CPSF4L: variants seen among roughly 807,000 people sequenced by gnomAD.
CPSF4L encodes the protein putative cleavage and polyadenylation specificity factor subunit 4-like protein.
Under a neutral mutation model 24.0 loss-of-function variants are expected in CPSF4L, and 18 were observed. The observed-to-expected ratio is 0.75, with a 90% CI of 0.52 to 1.11. The LOEUF (loss-of-function observed/expected upper bound fraction) is 1.11. Ranked by LOEUF, CPSF4L falls within the 50% of genes least tolerant of loss-of-function variation. CPSF4L has a pLI of 0.00. For missense variants in CPSF4L, 211 were observed against 221.8 expected, an observed-to-expected ratio of 0.95 and a Z score of 0.31; for synonymous variants, 72 against 77.2, an observed-to-expected ratio of 0.93 and a Z score of 0.35.
chr17:73,246,596 TTCTC>T (rs2061953804), downstream of CPSF4L, among the ~76,000 whole-genome samples: 1 of 152,162 alleles, frequency 6.6e-6, no homozygotes, highest in Non-Finnish European at 1.5e-5. Flanking sequence ...TGTATGTCGT[TTCTC>T]TCTCTTCTCA....
chr17:73,260,835 G>C (rs531561558), intron 2 of CPSF4L, 98 bp downstream of exon 2: 34 of 885,340 alleles, frequency 3.8e-5, no homozygotes, highest in Non-Finnish European at 5.3e-5. Flanking sequence ...GTGCAAATTC[G>C]ACACCCTATC....
chr17:73,252,505 T>A (rs2062009564), intron 5 of CPSF4L, 125 bp downstream of exon 5: 1 of 685,716 alleles, frequency 1.5e-6, no homozygotes, highest in Non-Finnish European at 2.6e-6. Context: ...AGGAAAATAC[T>A]GGAGCGGATG....
chr17:73,262,123 T>C (rs905532058), upstream of CPSF4L: 4 of 325,866 alleles, frequency 1.2e-5, no homozygotes, highest in Non-Finnish European at 1.1e-5. Flanking sequence ...TATCTTTGCA[T>C]GTTACCGAAC....
At chr17:73,245,635 A>G (rs2061939966), downstream of CPSF4L, 8 of 985,296 alleles carry the variant, frequency 8.1e-6, no homozygotes, top group Non-Finnish European at 9.6e-6. Flanking sequence ...AGCCCACATC[A>G]GGCCCTTCCC....
chr17:73,259,185 A>G (rs1237145239), intron 2 of CPSF4L, among the ~76,000 whole-genome samples: 1 of 152,142 alleles, frequency 6.6e-6, no homozygotes, highest in East Asian at 1.9e-4. Context: ...GACTACAGGC[A>G]TGCACCACCA....
chr17:73,254,801 G>A (rs1176432344), intron 3 of CPSF4L, among the ~76,000 whole-genome samples: 3 of 152,136 alleles, frequency 2.0e-5, no homozygotes, highest in African/African-American at 4.8e-5. Context: ...GTGCCACCAC[G>A]CATGGCTAAT....
chr17:73,250,021 G>A (rs1260144652), intron 5 of CPSF4L: 3 of 439,580 alleles, frequency 6.8e-6, no homozygotes, highest in South Asian at 4.5e-5. Context: ...TTTTGCTCCC[G>A]TTTTATGGAT....
intron 3 of CPSF4L, among the ~76,000 whole-genome samples, chr17:73,255,329 A>C (rs2062020726): frequency 6.6e-6 from 1 of 151,964 alleles, no homozygotes. Context: ...CAACATGGTG[A>C]AACCCCATCT....
chr17:73,262,630 C>T (rs1014567250), upstream of CPSF4L, among the ~76,000 whole-genome samples: 1 of 152,218 alleles, frequency 6.6e-6, no homozygotes, highest in African/African-American at 2.4e-5. Flanking sequence ...CCACCCCTGC[C>T]TGCAGGGCTG....
Position 73,257,816 on chromosome 17 carries a change from G to A in CPSF4L, c.172C>T (p.Arg58Ter), listed in dbSNP as rs201285689. The A allele has an allele frequency of 1.2e-4, 189 of 1,551,444 alleles. No homozygotes were observed. The highest frequency in any genetic ancestry group is 1.1e-3 in the East Asian group (47 of 40,892). ...LCEKGKLCPF[R>*]HDRGEKMVVC... ...ACCATCTTCTCCCCTCGGTCATGTCGGAAGGGGCAGAGTTTCCCTGGAGAT... is the reference window on the plus strand; with the variant it reads ...ACCATCTTCTCCCCTCGGTCATGTCAGAAGGGGCAGAGTTTCCCTGGAGAT... The change falls in exon 3 of 6, where the codon CGA becomes TGA. Residue 58 changes from arginine (R) to a stop codon, truncating the protein, a stop_gained. Coordinates refer to ENST00000344935, the MANE Select transcript of CPSF4L (RefSeq NM_001129885.1). LOFTEE classifies it high-confidence loss of function.
chr17:73,247,384 G>C, downstream of CPSF4L: 9 of 1,593,086 alleles, frequency 5.6e-6, no homozygotes, highest in Non-Finnish European at 4.3e-6. Flanking sequence ...CTTCTCTCTA[G>C]TGCCTTCGTG....
At chr17:73,258,504 G>A (rs2062032238) in intron 2 of CPSF4L, among the ~76,000 whole-genome samples, 1 of 151,750 alleles carries the variant, frequency 6.6e-6, no homozygotes, top group Non-Finnish European at 1.5e-5. Context: ...GTTTCACCAT[G>A]TTGGCCAGGC....
chr17:73,253,276 C>G (rs769106737), intron 4 of CPSF4L, among the ~76,000 whole-genome samples: 1 of 152,144 alleles, frequency 6.6e-6, no homozygotes, highest in Non-Finnish European at 1.5e-5. Context: ...AGGAGAATTG[C>G]TTGAACCTGG....
At chr17:73,259,711 G>C in intron 2 of CPSF4L, among the ~76,000 whole-genome samples, 1 of 152,190 alleles carries the variant, frequency 6.6e-6, no homozygotes, top group East Asian at 1.9e-4. Context: ...CCTTCTCCCT[G>C]TATGGTCTAG....
At chr17:73,248,282 A>C (rs1319668594), downstream of CPSF4L, 2 of 552,108 alleles carry the variant, frequency 3.6e-6, no homozygotes, top group African/African-American at 3.8e-5. Context: ...ACTGCTACCC[A>C]CAGAAGCCAG....
At chr17:73,247,416 G>T (rs893397583), downstream of CPSF4L, 4 of 1,440,934 alleles carry the variant, frequency 2.8e-6, no homozygotes, top group Non-Finnish European at 3.9e-6. Context: ...CCACTGAATT[G>T]CCCTGTAACA....
At chr17:73,246,271 C>T (rs1032689561), downstream of CPSF4L, among the ~76,000 whole-genome samples, 5 of 152,156 alleles carry the variant, frequency 3.3e-5, no homozygotes, top group African/African-American at 4.8e-5. Context: ...CGGTGGCTCA[C>T]GCCTGTAATC....
rs1383118050 is a variant in CPSF4L, at chr17:73,252,722, A to T, written c.405T>A (p.Gly135=). ...GGACATGGCGGTATTTACACAGAGG[A>T]CCTGCTGAGCAAAGAGAAAGTGATG... ...PWYDQGFCKD[G]PLCKYRHVPR... is the part of the protein sequence containing the mutation. Residue 135 remains glycine, a splice_region_variant and synonymous_variant, in exon 5 of 6, where the codon GGT becomes GGA. Coordinates refer to ENST00000344935, the MANE Select transcript of CPSF4L (RefSeq NM_001129885.1). 1 of 1,546,512 alleles carries T rather than the reference A, an allele frequency of 6.5e-7. No individual in the cohort carries two copies. The highest frequency in any genetic ancestry group is 8.7e-7 in the Non-Finnish European group (1 of 1,143,486).
At chr17:73,246,344 C>T (rs1599403200), downstream of CPSF4L, among the ~76,000 whole-genome samples, 1 of 151,942 alleles carries the variant, frequency 6.6e-6, no homozygotes, top group East Asian at 1.9e-4. Context: ...TCAGCCTGTG[C>T]AATGTGGTGA....
Sources: allele counts gnomAD v4.1 joint callset (sites outside exome capture counted in the v4.1 genomes callset), GRCh38; gene constraint gnomAD v4.1.1; transcripts MANE v1.5; gene names NCBI Gene and HGNC (gene_info 2026-07-23, HGNC 2026-07-21).